GPR158: variants seen among roughly 807,000 people sequenced by gnomAD.
GPR158 encodes G protein-coupled receptor 158.
A neutral mutation model predicts 78.2 loss-of-function variants in GPR158; 30 were observed. The observed-to-expected ratio is 0.38, with a 90% CI of 0.29 to 0.52. The LOEUF is 0.52. Among genes scored for constraint, GPR158 ranks in the 20% least tolerant of loss-of-function variants. GPR158 has a pLI of 0.83. For missense variants in GPR158, 1,463 were observed against 1,523.5 expected (o/e 0.96, Z 0.66); for synonymous variants, 581 against 591.1 (o/e 0.98, Z 0.25).
chr10:25,521,540 T>A (rs1396991998), intron 5 of GPR158, among the ~76,000 whole-genome samples: 1 of 152,232 alleles, frequency 6.6e-6, no homozygotes, highest in Non-Finnish European at 1.5e-5. Flanking sequence ...ACTTAGAGAT[T>A]TCTTCTTGGT....
chr10:25,381,578 T>C (rs970204773), intron 2 of GPR158, among the ~76,000 whole-genome samples: 2 of 152,180 alleles, frequency 1.3e-5, no homozygotes, highest in African/African-American at 2.4e-5. Context: ...TGGACAAATA[T>C]TGAAATTAAT....
At chr10:25,442,283 C>G (rs1835078486) in intron 4 of GPR158, among the ~76,000 whole-genome samples, 1 of 152,016 alleles carries the variant, frequency 6.6e-6, no homozygotes, top group African/African-American at 2.4e-5. Context: ...AGCAGTTAAA[C>G]ACAGCAACAA....
rs956382997 is a variant in GPR158 at position 25,341,936 on chromosome 10, G to A, written c.1009-53975G>A. On this transcript the variant is annotated intron_variant, in intron 2 of 10. Transcript: ENST00000376351. Reference sequence around the variant, plus strand: ...ACCTCACCACCTTGCCACTTCCCCAGCAAATCCCTCCATTTTTCTCTCTCT... The same window carrying A: ...ACCTCACCACCTTGCCACTTCCCCAACAAATCCCTCCATTTTTCTCTCTCT... Among the ~76,000 whole-genome samples the A allele has an allele frequency of 2.6e-5, 4 of 151,810 alleles. No homozygotes were observed. In the East Asian group the frequency reaches 7.8e-4, roughly 29 times the overall value.
At chr10:25,441,472 C>T (rs1352032409) in intron 4 of GPR158, among the ~76,000 whole-genome samples, 1 of 152,228 alleles carries the variant, frequency 6.6e-6, no homozygotes. Flanking sequence ...TCACTGTTGG[C>T]AGGTGACTGC....
chr10:25,389,570 G>T (rs1417867240), intron 2 of GPR158, among the ~76,000 whole-genome samples: 1 of 152,156 alleles, frequency 6.6e-6, no homozygotes, highest in Admixed American at 6.5e-5. Flanking sequence ...AGTTGTCTGT[G>T]TACATTCTTC....
chr10:25,312,271 T>C (rs1229311785), intron 2 of GPR158, among the ~76,000 whole-genome samples: 1 of 152,048 alleles, frequency 6.6e-6, no homozygotes, highest in Non-Finnish European at 1.5e-5. Context: ...TTGTTATATA[T>C]ATATCAGAGA....
At chr10:25,199,025 G>A (rs1005997732) in intron 1 of GPR158, among the ~76,000 whole-genome samples, 4 of 130,854 alleles carry the variant, frequency 3.1e-5, no homozygotes, top group South Asian at 2.6e-4. Flanking sequence ...TAGAGAATTC[G>A]CTTTAAGTTT....
At chr10:25,258,294 T>A (rs1853917795) in intron 2 of GPR158, among the ~76,000 whole-genome samples, 1 of 152,236 alleles carries the variant, frequency 6.6e-6, no homozygotes, top group Admixed American at 6.5e-5. Flanking sequence ...ACACTGAATG[T>A]AGAACTTAAC....
chr10:25,210,272 T>TA (rs1853109930), intron 1 of GPR158, among the ~76,000 whole-genome samples: 1 of 152,016 alleles, frequency 6.6e-6, no homozygotes, highest in Non-Finnish European at 1.5e-5. Context: ...AAATCTGCTT[T>TA]AAAAATCTCT....
intron 2 of GPR158, among the ~76,000 whole-genome samples, chr10:25,385,715 AT>A (rs1834213319): frequency 6.6e-6 from 1 of 152,048 alleles, no homozygotes; most frequent in African/African-American, 2.4e-5. Context: ...TTCTCTAAGT[AT>A]TTAGTGATGT....
intron 3 of GPR158, among the ~76,000 whole-genome samples, chr10:25,403,509 T>C (rs963977496): frequency 6.6e-6 from 1 of 152,038 alleles, no homozygotes; most frequent in Non-Finnish European, 1.5e-5. Flanking sequence ...CAGGAAGTAT[T>C]TGTTTTATCT....
chr10:25,241,165 CTTT>C (rs879770757), intron 2 of GPR158, among the ~76,000 whole-genome samples: 5,855 of 120,560 alleles, frequency 0.049, 326 homozygotes, highest in East Asian at 0.12. Flanking sequence ...TTCTTTCTTT[CTTT>C]CTTTCTTTCT....
intron 2 of GPR158, among the ~76,000 whole-genome samples, chr10:25,302,660 A>C (rs1458821938): frequency 6.6e-6 from 1 of 152,192 alleles, no homozygotes; most frequent in Non-Finnish European, 1.5e-5. Context: ...TTTTTAAGAT[A>C]ACTTGTACAA....
chr10:25,487,013 G>T (rs1835744460), intron 5 of GPR158, among the ~76,000 whole-genome samples: 1 of 152,100 alleles, frequency 6.6e-6, no homozygotes, highest in African/African-American at 2.4e-5. Context: ...TGTTAGGCTA[G>T]TCCCTCTTGG....
rs906095970 is a variant in GPR158 at position 25,321,131 on chromosome 10, A to G, written c.1009-74780A>G. ...TCTAGGACTCAGTTTCCTCAATTGC[A>G]AAATTAGAAAGTCATAACAGACAAT... On this transcript the variant is annotated intron_variant, in intron 2 of 10. Coordinates refer to ENST00000376351, the MANE Select transcript of GPR158 (RefSeq NM_020752.3). Among the ~76,000 whole-genome samples the G allele has an allele frequency of 2.6e-5, 4 of 152,218 alleles. No homozygotes were observed. In the East Asian group the frequency reaches 7.7e-4, roughly 29 times the overall value.
At chr10:25,241,372 C>CTCTTTTCTCTCTTCTCT (rs1554787300) in intron 2 of GPR158, among the ~76,000 whole-genome samples, 26 of 102,954 alleles carry the variant, frequency 2.5e-4, no homozygotes, top group African/African-American at 1.4e-3. Context: ...CTTTTCTTTT[C>CTCTTTTCTCTCTTCTCT]TCTCTTCTCT....
At chr10:25,290,202 G>T (rs1025724862) in intron 2 of GPR158, among the ~76,000 whole-genome samples, 1 of 152,272 alleles carries the variant, frequency 6.6e-6, no homozygotes, top group African/African-American at 2.4e-5. Flanking sequence ...CTTTTTATCG[G>T]ATATATCAAA....
At chr10:25,200,868 G>T (rs555280840) in intron 1 of GPR158, among the ~76,000 whole-genome samples, 2,491 of 112,660 alleles carry the variant, frequency 0.022, 23 homozygotes, top group Middle Eastern at 0.065. Context: ...TTTTTGTTTT[G>T]TTTTTTTTTT....
At chr10:25,406,134 G>A (rs1834512427) in intron 3 of GPR158, among the ~76,000 whole-genome samples, 1 of 152,124 alleles carries the variant, frequency 6.6e-6, no homozygotes, top group Admixed American at 6.5e-5. Context: ...AACTTCAAGT[G>A]CCCACAGAAT....
Sources: gnomAD v4.1 joint callset for allele counts (sites outside exome capture counted in the v4.1 genomes callset) on GRCh38, gnomAD v4.1.1 for gene constraint, MANE v1.5 for transcripts, NCBI Gene and HGNC (gene_info 2026-07-23, HGNC 2026-07-21) for gene names.